Variants in KDM7A observed in about 807,000 individuals in gnomAD.
The protein encoded by KDM7A is lysine demethylase 7A.
Under a neutral mutation model 114.8 loss-of-function variants are expected in KDM7A, and 28 were observed. That is an observed-to-expected ratio of 0.24 (90% CI 0.18 to 0.33). The LOEUF (loss-of-function observed/expected upper bound fraction) is 0.33, where lower values mean the gene tolerates loss of function less well. Ranked by LOEUF, KDM7A falls within the 10% of genes least tolerant of loss-of-function variation. The pLI is 1.00. For synonymous variants in KDM7A, 423 were observed against 397.8 expected (o/e 1.06, Z -0.75); for missense variants, 942 against 1,142.5 (o/e 0.82, Z 2.53).
At position 140,176,932 on chromosome 7, in the gene KDM7A, G is replaced by T; in HGVS notation, c.6C>A (p.Ala2=). The T allele has an allele frequency of 8.6e-7, 1 of 1,157,472 alleles. No individual in the cohort carries two copies. The highest frequency in any genetic ancestry group is 3.8e-5 in the South Asian group (1 of 26,000). 71.7% of individuals were successfully genotyped at this position (1,157,472 alleles called of 1,614,324 possible). A position where few individuals can be genotyped will look rare whatever the true frequency, so the allele number is the denominator to read the frequency against. Residue 2 remains alanine, a synonymous_variant, in exon 1 of 20, where the codon GCC becomes GCA. Coordinates refer to ENST00000397560, the MANE Select transcript of KDM7A (RefSeq NM_030647.2). This position sits in a 1 kb window ranked among gnomAD's most constrained non-coding sequence, Gnocchi z 4.4. M[A]GAAAAVAAGA... ...CCGCGGCCACCGCCGCCGCCGCTCC[G>T]GCCATCTTTAAAAAACACACACACG...
At chr7:140,145,762 C>T (rs1475536043) in intron 1 of KDM7A, among the ~76,000 whole-genome samples, 1 of 152,094 alleles carries the variant, frequency 6.6e-6, no homozygotes, top group African/African-American at 2.4e-5. Flanking sequence ...TGGCCACATT[C>T]CTCACTCCTA....
intron 10 of KDM7A, among the ~76,000 whole-genome samples, chr7:140,111,613 CT>C (rs1311966734): frequency 6.6e-6 from 1 of 152,048 alleles, no homozygotes; most frequent in East Asian, 1.9e-4. Context: ...AATTTTTGTA[CT>C]TTTTTTTCTT....
intron 1 of KDM7A, among the ~76,000 whole-genome samples, chr7:140,173,360 T>C (rs1012622148): frequency 6.6e-6 from 1 of 152,308 alleles, no homozygotes; most frequent in East Asian, 1.9e-4. Context: ...AGCTAAAGTT[T>C]GACAGCATCA....
Position 140,176,224 on chromosome 7 carries a change from G to C in KDM7A, c.194+520C>G, listed in dbSNP as rs911099587. 1.3e-5 allele frequency among the ~76,000 whole-genome samples: 2 copies of C among 151,330 alleles called. No homozygotes were observed. Among genetic ancestry groups the C allele is most frequent in the African/African-American group, 4.8e-5 (2 of 41,264 alleles). On this transcript the variant is annotated intron_variant, in intron 1 of 19. Transcript: ENST00000397560. The surrounding 1 kb of genome is among the most constrained non-coding windows in gnomAD (Gnocchi z 4.4). Reference sequence around the variant, plus strand: ...AAAGACGGGGAAGGGGGCGCGACAGGGACCCGCGGCGCGGAGGAGACGCGG... The same window carrying C: ...AAAGACGGGGAAGGGGGCGCGACAGCGACCCGCGGCGCGGAGGAGACGCGG...
chr7:140,107,285 T>C (rs1001841389), intron 11 of KDM7A, among the ~76,000 whole-genome samples: 2 of 152,220 alleles, frequency 1.3e-5, no homozygotes, highest in African/African-American at 2.4e-5. Flanking sequence ...AAGGTTAATA[T>C]TGTTATGTGT....
At chr7:140,147,234 T>A (rs2158570) in intron 1 of KDM7A, among the ~76,000 whole-genome samples, 52,525 of 151,908 alleles carry the variant, frequency 0.35, 9,344 homozygotes, top group Middle Eastern at 0.43. Context: ...TGAACTGAGC[T>A]CTTTAAGATT....
chr7:140,139,112 G>A lies in KDM7A; in HGVS notation c.273C>T (p.Ser91=), dbSNP rs1282441914. The A allele has an allele frequency of 5.0e-6, 8 of 1,607,064 alleles. No individual in the cohort carries two copies. The highest frequency in any genetic ancestry group is 6.8e-6 in the Non-Finnish European group (8 of 1,174,210). ...HCPNCAVLHG[S]SLMKKRRNWH... ...TAAGCATCTAGTACTTACTCAAGGA[G>A]GAACCATGTAAAACTGCACAGTTGG... is the stretch of plus-strand genomic sequence containing the variant. The change falls in exon 2 of 20, where the codon TCC becomes TCT. Residue 91 remains serine (S), a synonymous_variant. Coordinates refer to ENST00000397560, the MANE Select transcript of KDM7A (RefSeq NM_030647.2).
At chr7:140,117,541 C>A (rs1405308005) in intron 9 of KDM7A, among the ~76,000 whole-genome samples, 7 of 151,736 alleles carry the variant, frequency 4.6e-5, no homozygotes, top group Non-Finnish European at 1.0e-4. Flanking sequence ...AGTCTTGGGA[C>A]AGAGAGAAAA....
chr7:140,104,279 G>C (rs1035328032), intron 11 of KDM7A, among the ~76,000 whole-genome samples: 1 of 152,084 alleles, frequency 6.6e-6, no homozygotes, highest in East Asian at 1.9e-4. Context: ...CACTTTGATG[G>C]TAGTTTCTTT....
At position 140,096,575 on chromosome 7, in the gene KDM7A, T is replaced by C; in HGVS notation, c.2354A>G (p.Tyr785Cys). 1.2e-6 allele frequency: 2 copies of C among 1,614,074 alleles called. No individual in the cohort carries two copies. Among genetic ancestry groups the C allele is most frequent in the Non-Finnish European group, 1.7e-6 (2 of 1,179,890 alleles). Residue 785 changes from tyrosine (Y) to cysteine (C), a missense_variant, in exon 17 of 20, where the codon TAT (tyrosine) becomes TGT (cysteine). By Grantham distance (194) the Tyr-to-Cys change is radical. Transcript: ENST00000397560. ...CTTACCACATTCCACTGGTTTATCA[T>C]AGCGATACAACTGCCTAACCTCATG... The part of the protein sequence containing the change: ...SNHEVRQLYR[Y>C]DKPVECGYHV...
At chr7:140,105,664 T>C (rs1818324687) in intron 11 of KDM7A, among the ~76,000 whole-genome samples, 1 of 152,236 alleles carries the variant, frequency 6.6e-6, no homozygotes, top group Non-Finnish European at 1.5e-5. Context: ...GATAAGCTTT[T>C]TGATGTGCTG....
intron 9 of KDM7A, among the ~76,000 whole-genome samples, chr7:140,115,217 G>A (rs1216099924): frequency 6.8e-6 from 1 of 148,086 alleles, no homozygotes; most frequent in African/African-American, 2.5e-5. Context: ...CCGGGAGGTA[G>A]GGGGCGCCTC....
intron 9 of KDM7A, among the ~76,000 whole-genome samples, chr7:140,114,592 C>A (rs565733593): frequency 3.3e-5 from 5 of 152,152 alleles, no homozygotes; most frequent in African/African-American, 1.2e-4. Flanking sequence ...GCCGCCACCC[C>A]GTCTGGGAAG....
At chr7:140,141,336 GAAAACA>G (rs920189593) in intron 1 of KDM7A, among the ~76,000 whole-genome samples, 38 of 151,700 alleles carry the variant, frequency 2.5e-4, no homozygotes, top group African/African-American at 8.7e-4. Context: ...AGCATTCACA[GAAAACA>G]AAAACAAAAA....
intron 2 of KDM7A, among the ~76,000 whole-genome samples, chr7:140,138,253 A>G (rs985762258): frequency 1.3e-5 from 2 of 152,102 alleles, no homozygotes; most frequent in Non-Finnish European, 2.9e-5. Flanking sequence ...GGCTGCAGTG[A>G]GCTATGATAG....
chr7:140,098,811 C>G (rs377133385), intron 14 of KDM7A, 68 bp downstream of exon 14: 3 of 1,354,680 alleles, frequency 2.2e-6, no homozygotes, highest in East Asian at 4.6e-5. Flanking sequence ...TCAAAATTAG[C>G]AAGTTACTTT....
intron 1 of KDM7A, among the ~76,000 whole-genome samples, chr7:140,158,465 C>T (rs1794483063): frequency 6.6e-6 from 1 of 152,114 alleles, no homozygotes; most frequent in South Asian, 2.1e-4. Flanking sequence ...ACACGAAGGA[C>T]TGCCATTAAA....
chr7:140,175,914 G>A (rs912177429), intron 1 of KDM7A, among the ~76,000 whole-genome samples: 3 of 152,116 alleles, frequency 2.0e-5, no homozygotes, highest in Non-Finnish European at 4.4e-5. Context: ...CGGCGCGAGG[G>A]CAACGCAGGG....
At chr7:140,175,636 C>T (rs1324357936) in intron 1 of KDM7A, among the ~76,000 whole-genome samples, 21 of 152,218 alleles carry the variant, frequency 1.4e-4, no homozygotes, top group Admixed American at 1.4e-3. Context: ...GGCTGTGGCG[C>T]CGCCCTTTAT....
Sources: allele counts gnomAD v4.1 joint callset (sites outside exome capture counted in the v4.1 genomes callset), GRCh38; gene constraint gnomAD v4.1.1; non-coding constraint Gnocchi (gnomAD v3.1); transcripts MANE v1.5; gene names NCBI Gene and HGNC (gene_info 2026-07-23, HGNC 2026-07-21).